Variants in PBX1 observed in about 807,000 individuals in gnomAD.
PBX1 encodes the protein PBX homeobox 1.
PBX1 carries 6 observed loss-of-function variants against 53.4 expected under a neutral mutation model. The ratio of observed to expected loss-of-function variants is 0.11; its 90% CI spans 0.06 to 0.22. PBX1 has a LOEUF of 0.22. Ranked by LOEUF, PBX1 falls within the 10% of genes least tolerant of loss-of-function variation. The probability of loss-of-function intolerance (pLI) is 1.00; values close to 1 mark genes in which losing one functional copy is unlikely to be tolerated. For synonymous variants in PBX1, 204 were observed against 212.3 expected, an observed-to-expected ratio of 0.96 and a Z score of 0.34; for missense variants, 251 against 551.4, an observed-to-expected ratio of 0.46 and a Z score of 5.46.
intron 2 of PBX1, among the ~76,000 whole-genome samples, chr1:164,611,585 T>G (rs1656937105): frequency 6.6e-6 from 1 of 152,074 alleles, no homozygotes; most frequent in African/African-American, 2.4e-5. Context: ...TCACTGGGGC[T>G]CAGTTCTCTT....
intron 2 of PBX1, among the ~76,000 whole-genome samples, chr1:164,722,469 T>A (rs1664462486): frequency 6.6e-6 from 1 of 152,210 alleles, no homozygotes; most frequent in Admixed American, 6.5e-5. Context: ...TTCTACAAAT[T>A]GTTTTGCCAC....
chr1:164,838,322 G>A (rs1013100171), intron 8 of PBX1, among the ~76,000 whole-genome samples: 1 of 152,184 alleles, frequency 6.6e-6, no homozygotes, highest in East Asian at 1.9e-4. Context: ...GCCGCCCATG[G>A]TCAAGCCTCA....
chr1:164,717,646 T>C (rs1312324071), intron 2 of PBX1, among the ~76,000 whole-genome samples: 2 of 152,186 alleles, frequency 1.3e-5, no homozygotes, highest in Non-Finnish European at 2.9e-5. Flanking sequence ...ATCCTCAACA[T>C]GGACCAAGAC....
chr1:164,724,960 A>C (rs537172349), intron 2 of PBX1, among the ~76,000 whole-genome samples: 1 of 152,108 alleles, frequency 6.6e-6, no homozygotes, highest in African/African-American at 2.4e-5. Context: ...TTGTCTTTTT[A>C]AAGATGCCTA....
chr1:164,623,650 C>G (rs1657840362), intron 2 of PBX1, among the ~76,000 whole-genome samples: 1 of 152,164 alleles, frequency 6.6e-6, no homozygotes, highest in African/African-American at 2.4e-5. Flanking sequence ...CTTTGTCTCT[C>G]TGTGTCTCTG....
intron 2 of PBX1, among the ~76,000 whole-genome samples, chr1:164,739,144 C>T (rs917670994): frequency 6.6e-6 from 1 of 152,070 alleles, no homozygotes; most frequent in Non-Finnish European, 1.5e-5. Flanking sequence ...AGAAAACTAC[C>T]ACTCTCTCAT....
intron 2 of PBX1, among the ~76,000 whole-genome samples, chr1:164,858,063 T>C (rs1343900195): frequency 6.6e-6 from 1 of 152,136 alleles, no homozygotes; most frequent in African/African-American, 2.4e-5. Flanking sequence ...TATATTTTCT[T>C]TCTTTTATAT....
intron 2 of PBX1, among the ~76,000 whole-genome samples, chr1:164,690,294 AGGG>A (rs1662390118): frequency 6.6e-6 from 1 of 152,082 alleles, no homozygotes; most frequent in South Asian, 2.1e-4. Context: ...CTGCTGTGAA[AGGG>A]TTGGTGGGGA....
chr1:164,729,909 A>G (rs1275772780), intron 2 of PBX1, among the ~76,000 whole-genome samples: 2 of 152,244 alleles, frequency 1.3e-5, no homozygotes, highest in South Asian at 2.1e-4. Context: ...AGCATTGTAC[A>G]TTCGTTGTCT....
chr1:164,606,112 T>A (rs185821020), intron 2 of PBX1, among the ~76,000 whole-genome samples: 6 of 152,236 alleles, frequency 3.9e-5, no homozygotes, highest in African/African-American at 1.2e-4. Flanking sequence ...AAGGGATTTT[T>A]AAAAATTCTT....
intron 2 of PBX1, among the ~76,000 whole-genome samples, chr1:164,611,090 C>T (rs1656890955): frequency 6.6e-6 from 1 of 152,172 alleles, no homozygotes. Context: ...TTCTTGTCTC[C>T]TGATCTGAAC....
intron 2 of PBX1, among the ~76,000 whole-genome samples, chr1:164,614,382 C>T (rs1227396431): frequency 6.6e-6 from 1 of 152,108 alleles, no homozygotes; most frequent in Non-Finnish European, 1.5e-5. Context: ...GTGCTGCCGT[C>T]TGAATTTCTG....
At chr1:164,564,313 A>G (rs1039380318) in intron 2 of PBX1, among the ~76,000 whole-genome samples, 1 of 152,122 alleles carries the variant, frequency 6.6e-6, no homozygotes, top group Admixed American at 6.6e-5. Flanking sequence ...ATTCATATCT[A>G]AACCATATAA....
chr1:164,819,040 G>C (rs1188549030), intron 6 of PBX1: 5 of 152,226 alleles, frequency 3.3e-5, no homozygotes, highest in Non-Finnish European at 7.3e-5. Flanking sequence ...GGGTCCCTAA[G>C]GTCTTTCCTT....
chr1:164,867,892 T>C (rs752496746), intron 2 of PBX1, among the ~76,000 whole-genome samples: 24 of 152,214 alleles, frequency 1.6e-4, no homozygotes, highest in Admixed American at 5.2e-4. Flanking sequence ...ACCCAAGAAA[T>C]CCCTTCAGTA....
chr1:164,598,811 T>C (rs776840568), intron 2 of PBX1, among the ~76,000 whole-genome samples: 2 of 152,194 alleles, frequency 1.3e-5, no homozygotes, highest in Non-Finnish European at 2.9e-5. Flanking sequence ...TCGGAGCGTA[T>C]AGCATATTTC....
chr1:164,823,395 A>ATAAGG (rs35293021), intron 8 of PBX1, among the ~76,000 whole-genome samples: 5 of 40,750 alleles, frequency 1.2e-4, no homozygotes, highest in African/African-American at 6.0e-4. Context: ...TTTTTGGGAT[A>ATAAGG]TAAGTTTTTC....
At chr1:164,666,969 T>C (rs1362999167) in intron 2 of PBX1, among the ~76,000 whole-genome samples, 1 of 152,152 alleles carries the variant, frequency 6.6e-6, no homozygotes, top group Non-Finnish European at 1.5e-5. Context: ...TGTCACAGAG[T>C]GTGTTCTGTA....
intron 2 of PBX1, chr1:164,684,024 C>T (rs1661946090): frequency 1.3e-5 from 2 of 152,080 alleles, no homozygotes; most frequent in African/African-American, 4.8e-5. Context: ...CAGTATGTTG[C>T]TCAGGCTGGT....
Sources: gnomAD v4.1 joint callset for allele counts (sites outside exome capture counted in the v4.1 genomes callset) on GRCh38, gnomAD v4.1.1 for gene constraint, MANE v1.5 for transcripts, NCBI Gene and HGNC (gene_info 2026-07-23, HGNC 2026-07-21) for gene names.